Variants in NALF2 observed in about 807,000 individuals in gnomAD.
NALF2 encodes NALCN channel auxiliary factor 2, also known as bB57D9.1 (TED protein).
NALF2 carries 1 observed loss-of-function variant against 24.8 expected under a neutral mutation model. That is an observed-to-expected ratio of 0.04 (90% confidence interval 0.01 to 0.19). The LOEUF (loss-of-function observed/expected upper bound fraction) is 0.19. NALF2 is among the 10% of genes least tolerant of loss of function. NALF2 has a pLI of 1.00. For missense variants in NALF2, 458 were observed against 409.6 expected (o/e 1.12, Z -1.02); for synonymous variants, 254 against 189.8 (o/e 1.34, Z -2.78).
intron 1 of NALF2, among the ~76,000 whole-genome samples, chrX:69,508,218 G>T (rs1216675114): frequency 8.9e-6 from 1 of 111,815 alleles, no homozygotes; most frequent in Non-Finnish European, 1.9e-5. Context: ...TTAATGTAAT[G>T]CTTAAGGTTT....
At chrX:69,511,323 A>G (rs1203143683) in intron 1 of NALF2, among the ~76,000 whole-genome samples, 1 of 108,741 alleles carries the variant, frequency 9.2e-6, no homozygotes. Flanking sequence ...GCCTTGCATC[A>G]CTCACACCCC....
chrX:69,530,971 C>T lies in NALF2; in HGVS notation c.*1015C>T, dbSNP rs1930896660. ...TTCCGATCTCCATGGGGAGGAGGGA[C>T]TTAAGCCCAAGTGGGTCAGGCCTGG... is the stretch of plus-strand genomic sequence containing the variant. On this transcript the variant is annotated 3_prime_UTR_variant, in exon 3 of 3. Coordinates refer to ENST00000252338, the MANE Select transcript of NALF2 (RefSeq NM_015686.3). 8.9e-6 allele frequency: 1 copy of T among 112,951 alleles called. No homozygotes were observed. The highest frequency in any genetic ancestry group is 3.2e-5 in the African/African-American group (1 of 31,015). 9.3% of individuals were successfully genotyped at this position (112,951 alleles called of 1,213,427 possible).
intron 1 of NALF2, among the ~76,000 whole-genome samples, chrX:69,508,216 A>G (rs1355796264): frequency 9.0e-6 from 1 of 111,626 alleles, no homozygotes. Flanking sequence ...CATTAATGTA[A>G]TGCTTAAGGT....
At chrX:69,518,098 A>G (rs1342687531) in intron 1 of NALF2, among the ~76,000 whole-genome samples, 1 of 112,016 alleles carries the variant, frequency 8.9e-6, no homozygotes, top group Non-Finnish European at 1.9e-5. Flanking sequence ...CGAAGCTCCC[A>G]AAGCTCCCCT....
intron 1 of NALF2, among the ~76,000 whole-genome samples, chrX:69,520,066 T>G (rs1310620229): frequency 8.9e-6 from 1 of 112,298 alleles, no homozygotes; most frequent in African/African-American, 3.2e-5. Flanking sequence ...ATCTGATTCT[T>G]TTCCTCCATC....
chrX:69,521,227 G>A (rs777322118), intron 1 of NALF2, among the ~76,000 whole-genome samples: 100 of 111,183 alleles, frequency 9.0e-4, no homozygotes, highest in African/African-American at 3.0e-3. Context: ...ACACTTCCAG[G>A]CCTTTATGCC....
intron 1 of NALF2, among the ~76,000 whole-genome samples, chrX:69,512,533 G>A (rs995036968): frequency 5.4e-5 from 6 of 111,919 alleles, no homozygotes; most frequent in East Asian, 5.7e-4. Context: ...CTGCAAAGAC[G>A]AAAGGGCTAA....
At chrX:69,522,023 C>T (rs1027941830) in intron 1 of NALF2, among the ~76,000 whole-genome samples, 3 of 111,949 alleles carry the variant, frequency 2.7e-5, no homozygotes, top group African/African-American at 9.8e-5. Context: ...TTCCATATGG[C>T]ACCAGTAGAG....
At chrX:69,525,123 A>G (rs1464923212) in intron 1 of NALF2, among the ~76,000 whole-genome samples, 1 of 111,553 alleles carries the variant, frequency 9.0e-6, no homozygotes, top group Non-Finnish European at 1.9e-5. Flanking sequence ...TCCCTCCAGG[A>G]GCAGATGACG....
intron 1 of NALF2, among the ~76,000 whole-genome samples, chrX:69,515,886 T>C (rs1930654505): frequency 8.9e-6 from 1 of 112,178 alleles, no homozygotes; most frequent in Admixed American, 9.4e-5. Flanking sequence ...AAGTACATGA[T>C]ATTATTCCCA....
chrX:69,523,294 A>C (rs1444083556), intron 1 of NALF2, among the ~76,000 whole-genome samples: 2 of 112,512 alleles, frequency 1.8e-5, no homozygotes, highest in African/African-American at 6.5e-5. Context: ...TCCGCTTTCT[A>C]AACTTTCTGG....
At chrX:69,512,529 A>C (rs1930599340) in intron 1 of NALF2, among the ~76,000 whole-genome samples, 1 of 111,881 alleles carries the variant, frequency 8.9e-6, no homozygotes, top group South Asian at 3.8e-4. Flanking sequence ...CTGGCTGCAA[A>C]GACGAAAGGG....
chrX:69,510,362 G>A (rs1162213616), intron 1 of NALF2, among the ~76,000 whole-genome samples: 1 of 112,119 alleles, frequency 8.9e-6, no homozygotes, highest in East Asian at 2.8e-4. Flanking sequence ...CCTCCACTCC[G>A]GCTGGCAGCT....
chrX:69,506,210 G>C lies in NALF2; in HGVS notation c.861+67G>C, dbSNP rs1020957631. The C allele has an allele frequency of 3.6e-6, 4 of 1,098,111 alleles. No individual in the cohort carries two copies. In the African/African-American group the frequency reaches 7.5e-5, roughly 20 times the overall value. The allele number at this position is 1,098,111 out of a possible 1,213,427, so 90.5% of individuals were successfully genotyped here. On this transcript the variant is annotated intron_variant, in intron 1 of 2. Transcript: ENST00000252338. ...GCGGCAGCGGCCGCAGTGGGACCGG[G>C]AGAAAAAAGGAAGTCTCCCTTTCTA... is the stretch of plus-strand genomic sequence containing the variant.
chrX:69,524,424 G>C (rs1328942251), intron 1 of NALF2, among the ~76,000 whole-genome samples: 1 of 111,530 alleles, frequency 9.0e-6, no homozygotes, highest in Non-Finnish European at 1.9e-5. Context: ...AGCTCTTTGA[G>C]TGATTGTGAT....
At chrX:69,506,662 A>T (rs1236098976) in intron 1 of NALF2, among the ~76,000 whole-genome samples, 1 of 112,857 alleles carries the variant, frequency 8.9e-6, no homozygotes, top group African/African-American at 3.2e-5. Context: ...CACACACTTG[A>T]CCTTATGTGA....
intron 1 of NALF2, among the ~76,000 whole-genome samples, chrX:69,506,630 C>T (rs1401235456): frequency 8.8e-6 from 1 of 113,097 alleles, no homozygotes; most frequent in East Asian, 2.8e-4. Flanking sequence ...AGAGGACGAG[C>T]ACTCCTGGTG....
chrX:69,528,799 A>C (rs1285804326), intron 1 of NALF2, among the ~76,000 whole-genome samples, 194 bp from the exon 2 acceptor site: 5 of 112,066 alleles, frequency 4.5e-5, no homozygotes, highest in Non-Finnish European at 7.5e-5. Context: ...GCTTGGGAGT[A>C]CTGGCTATGA....
rs374677187 is a variant in NALF2 at position 69,505,386 on chromosome X, C to T, written c.104C>T (p.Ala35Val). Residue 35 changes from alanine to valine, a missense_variant, in exon 1 of 3, where the codon GCC (alanine) becomes GTC (valine). Ala to Val is a moderately conservative substitution (Grantham distance 64). Transcript: ENST00000252338. ...CCCAGGCCGAGCGACAAACCTTGCG[C>T]CGACTCCGAGCGGGCGCAGCGATGG... ...WAPRPSDKPC[A>V]DSERAQRWRL... 143 of 1,157,494 alleles carry T rather than the reference C, an allele frequency of 1.2e-4. No homozygotes were observed. The highest frequency in any genetic ancestry group is 1.6e-4 in the Non-Finnish European group (137 of 869,217).
Sources: allele counts gnomAD v4.1 joint callset (sites outside exome capture counted in the v4.1 genomes callset), GRCh38; gene constraint gnomAD v4.1.1; transcripts MANE v1.5; gene names NCBI Gene and HGNC (gene_info 2026-07-23, HGNC 2026-07-21).